MYL3: variants seen among roughly 807,000 people sequenced by gnomAD.
MYL3 encodes myosin light chain 3.
A neutral mutation model predicts 21.3 loss-of-function variants in MYL3; 11 were observed. The observed-to-expected ratio is 0.52, with a 90% CI of 0.32 to 0.85. MYL3 has a LOEUF of 0.85. Ranked by LOEUF, MYL3 falls within the 40% of genes least tolerant of loss-of-function variation. The probability of loss-of-function intolerance (pLI) is 0.03; values close to 1 mark genes in which losing one functional copy is unlikely to be tolerated. For synonymous variants in MYL3, 88 were observed against 91.6 expected, an observed-to-expected ratio of 0.96 and a Z score of 0.22; for missense variants, 206 against 253.3, an observed-to-expected ratio of 0.81 and a Z score of 1.27.
intron 1 of MYL3, among the ~76,000 whole-genome samples, chr3:46,862,856 G>A (rs536574113): frequency 3.3e-5 from 5 of 152,312 alleles, no homozygotes; most frequent in South Asian, 2.1e-4. Context: ...TCTCATCCAC[G>A]CTGGGAGCGT....
intron 1 of MYL3, chr3:46,880,969 G>A (rs1292830034): frequency 1.3e-5 from 2 of 152,196 alleles, no homozygotes; most frequent in African/African-American, 4.8e-5. Context: ...AGAGCCCCTG[G>A]AGCCCATGGG....
intron 1 of MYL3, among the ~76,000 whole-genome samples, chr3:46,875,098 A>G (rs1361114416): frequency 6.6e-6 from 1 of 152,206 alleles, no homozygotes; most frequent in Admixed American, 6.5e-5. Flanking sequence ...GGAAAGCTGG[A>G]CAAGATTTGG....
chr3:46,863,115 A>T (rs776325344), intron 1 of MYL3, 147 bp downstream of exon 1: 56 of 1,174,758 alleles, frequency 4.8e-5, no homozygotes, highest in Non-Finnish European at 6.8e-5. Flanking sequence ...TGCCTGAAGC[A>T]GTCAGGGCTT....
chr3:46,881,364 C>T (rs1051242951), intron 1 of MYL3, among the ~76,000 whole-genome samples: 10 of 152,160 alleles, frequency 6.6e-5, no homozygotes, highest in African/African-American at 9.7e-5. Context: ...CCAACCCCCG[C>T]GGACTCCTCC....
intron 1 of MYL3, among the ~76,000 whole-genome samples, chr3:46,878,054 C>T (rs1024118508): frequency 4.6e-5 from 7 of 152,214 alleles, no homozygotes; most frequent in African/African-American, 1.7e-4. Context: ...ATACCTCTAG[C>T]TCCTTGGGAG....
At position 46,871,459 on chromosome 3, in the gene MYL3, C is replaced by T. The variant is rs190908298; in HGVS notation, c.-217-4859G>A. On this transcript the variant is annotated intron_variant, in intron 1 of 3. Transcript: ENST00000431168. ...CATCCGGGCCAGATAAGGACGGGGT[C>T]AGAGCTTGGCTCTCGTGGGAAAGGA... Among the ~76,000 whole-genome samples the T allele has an allele frequency of 2.1e-3, 319 of 152,220 alleles. 1 individual carries two copies. The highest frequency in any genetic ancestry group is 3.5e-3 in the Non-Finnish European group (240 of 68,010).
intron 1 of MYL3, among the ~76,000 whole-genome samples, chr3:46,868,684 A>G (rs1465396974): frequency 6.6e-6 from 1 of 152,188 alleles, no homozygotes; most frequent in Non-Finnish European, 1.5e-5. Context: ...CCCAAGCCTC[A>G]TGGGGGACAG....
chr3:46,869,408 G>C (rs1480542526), intron 1 of MYL3, among the ~76,000 whole-genome samples: 1 of 152,160 alleles, frequency 6.6e-6, no homozygotes, highest in Non-Finnish European at 1.5e-5. Context: ...AGGCTGCCCT[G>C]GGTGCTGGGC....
chr3:46,861,563 A>T lies in MYL3; in HGVS notation c.130-576T>A, dbSNP rs763119266. 3.9e-5 allele frequency among the ~76,000 whole-genome samples: 6 copies of T among 151,982 alleles called. No homozygotes were observed. Among genetic ancestry groups the T allele is most frequent in the South Asian group, 2.1e-4 (1 of 4,826 alleles). On this transcript the variant is annotated intron_variant, in intron 1 of 6. Coordinates refer to ENST00000292327, the MANE Select transcript of MYL3 (RefSeq NM_000258.3). This position sits in a 1 kb window ranked among gnomAD's most constrained non-coding sequence, Gnocchi z 4.2. ...CCTAAGCCCTAAAGACCAGGCAGTCACTCACCAGCCCCACTATACCTATTT... is the reference window on the plus strand; with the variant it reads ...CCTAAGCCCTAAAGACCAGGCAGTCTCTCACCAGCCCCACTATACCTATTT...
intron 1 of MYL3, among the ~76,000 whole-genome samples, chr3:46,878,186 G>C (rs1360156787): frequency 2.0e-5 from 3 of 152,214 alleles, no homozygotes; most frequent in African/African-American, 7.2e-5. Context: ...CAAGGGAAGG[G>C]GGCTACCCAG....
rs114125063 is a variant in MYL3, at chr3:46,879,906, G to A, written c.-218+2168C>T. 9.8e-3 allele frequency among the ~76,000 whole-genome samples: 1,485 copies of A among 152,234 alleles called. 24 individuals carry two copies. The highest frequency in any genetic ancestry group is 0.034 in the African/African-American group (1,409 of 41,528). Reference sequence around the variant, plus strand: ...ATGCAAAAATTAGCCAGGCGTGGTGGTGCACAACTATAATGCCAGCTACTC... The same window carrying A: ...ATGCAAAAATTAGCCAGGCGTGGTGATGCACAACTATAATGCCAGCTACTC... On this transcript the variant is annotated intron_variant, in intron 1 of 3. Transcript: ENST00000431168. This position sits in a 1 kb window ranked among gnomAD's most constrained non-coding sequence, Gnocchi z 4.7.
chr3:46,868,300 G>A (rs1211954525), upstream of MYL3, among the ~76,000 whole-genome samples: 5 of 152,204 alleles, frequency 3.3e-5, no homozygotes, highest in Admixed American at 1.3e-4. Flanking sequence ...GTGGGGCACT[G>A]TGATTCCAGG....
chr3:46,866,161 C>T (rs1702046990), upstream of MYL3, among the ~76,000 whole-genome samples: 1 of 152,152 alleles, frequency 6.6e-6, no homozygotes, highest in African/African-American at 2.4e-5. Flanking sequence ...CAGGCCACAC[C>T]ATGCCTGGCA....
chr3:46,858,571 A>C, intron 4 of MYL3, 110 bp from the exon 5 acceptor site: 2 of 1,026,406 alleles, frequency 1.9e-6, no homozygotes, highest in East Asian at 5.1e-5. Context: ...GTATTCCCAC[A>C]ACCAGCACTG....
At chr3:46,868,623 GGA>G (rs1484230994) in intron 1 of MYL3, among the ~76,000 whole-genome samples, 1 of 152,190 alleles carries the variant, frequency 6.6e-6, no homozygotes, top group Admixed American at 6.5e-5. Flanking sequence ...GCTATATTTG[GGA>G]GCCCAATTCA....
At chr3:46,872,762 C>G (rs1177217043) in intron 1 of MYL3, among the ~76,000 whole-genome samples, 2 of 152,220 alleles carry the variant, frequency 1.3e-5, no homozygotes, top group East Asian at 1.9e-4. Context: ...TCCAGCTCAA[C>G]CCCTGGGGCT....
upstream of MYL3, among the ~76,000 whole-genome samples, chr3:46,863,810 C>T (rs910658971): frequency 2.6e-5 from 4 of 152,248 alleles, no homozygotes; most frequent in South Asian, 6.2e-4. Flanking sequence ...GTACATGCTA[C>T]GTGTTGTGTT....
rs1701948216 is a variant in MYL3, at chr3:46,858,056, C to A, written c.*59G>T. The A allele has an allele frequency of 8.1e-6, 6 of 736,360 alleles. No homozygotes were observed. Among genetic ancestry groups the A allele is most frequent in the Admixed American group, 2.2e-5 (1 of 46,226 alleles). 45.6% of individuals were successfully genotyped at this position (736,360 alleles called of 1,614,324 possible). ...GACTCCAGGCCGCTGGTGTCAGCAT[C>A]ACACATGGGAGATGAGACGTCCCTG... On this transcript the variant is annotated 3_prime_UTR_variant, in exon 7 of 7. Transcript: ENST00000292327.
upstream of MYL3, among the ~76,000 whole-genome samples, chr3:46,865,370 T>G (rs1003686807): frequency 1.4e-4 from 21 of 151,850 alleles, no homozygotes; most frequent in Admixed American, 1.4e-3. The surrounding 1 kb of genome is among the most constrained non-coding windows in gnomAD (Gnocchi z 4.3). Context: ...GAGCCAGAAA[T>G]ACCACAAGAG....
Sources: allele counts gnomAD v4.1 joint callset (sites outside exome capture counted in the v4.1 genomes callset), GRCh38; gene constraint gnomAD v4.1.1; non-coding constraint Gnocchi (gnomAD v3.1); transcripts MANE v1.5; gene names NCBI Gene and HGNC (gene_info 2026-07-23, HGNC 2026-07-21).